NTM: variants seen among roughly 807,000 people sequenced by gnomAD.
The protein encoded by NTM is IgLON family member 2.
NTM carries 13 observed loss-of-function variants against 42.1 expected under a neutral mutation model. That is an observed-to-expected ratio of 0.31 (90% CI 0.20 to 0.49). NTM has a LOEUF of 0.49. Ranked by LOEUF, NTM falls within the 20% of genes least tolerant of loss-of-function variation. The pLI is 0.99. For synonymous variants in NTM, 187 were observed against 179.2 expected, an observed-to-expected ratio of 1.04 and a Z score of -0.35; for missense variants, 373 against 452.8, an observed-to-expected ratio of 0.82 and a Z score of 1.60.
chr11:132,315,152 C>G, intron 7 of NTM: 3 of 852,996 alleles, frequency 3.5e-6, no homozygotes, highest in Middle Eastern at 6.1e-4. Flanking sequence ...TAGTCAAGAA[C>G]TCAGAGGGGA....
At chr11:131,875,283 A>G (rs2048372724) in intron 1 of NTM, among the ~76,000 whole-genome samples, 1 of 152,234 alleles carries the variant, frequency 6.6e-6, no homozygotes, top group Non-Finnish European at 1.5e-5. Flanking sequence ...ACACTTTAAA[A>G]GAAAAAAAGA....
At chr11:132,076,369 A>G (rs1336059169) in intron 2 of NTM, among the ~76,000 whole-genome samples, 1 of 152,196 alleles carries the variant, frequency 6.6e-6, no homozygotes, top group Non-Finnish European at 1.5e-5. Context: ...CATGGGCTGC[A>G]TTAGCTGATC....
intron 1 of NTM, among the ~76,000 whole-genome samples, chr11:131,495,487 C>T (rs1955244163): frequency 6.6e-6 from 1 of 152,244 alleles, no homozygotes; most frequent in Non-Finnish European, 1.5e-5. Flanking sequence ...CCTCTCTGCC[C>T]CACTAACTTT....
chr11:131,559,715 C>T (rs1012936899), intron 1 of NTM, among the ~76,000 whole-genome samples: 1 of 152,180 alleles, frequency 6.6e-6, no homozygotes, highest in African/African-American at 2.4e-5. Flanking sequence ...AGTGGAGCAA[C>T]CTTGACAGCC....
At chr11:131,414,007 G>A (rs1946696796) in intron 1 of NTM, among the ~76,000 whole-genome samples, 1 of 152,172 alleles carries the variant, frequency 6.6e-6, no homozygotes, top group South Asian at 2.1e-4. Context: ...ACCCTAACTA[G>A]CTATGTAATT....
intron 1 of NTM, among the ~76,000 whole-genome samples, chr11:131,598,868 C>T (rs1395802989): frequency 3.0e-4 from 10 of 33,608 alleles, no homozygotes; most frequent in African/African-American, 6.7e-4. Context: ...TTCCTTCCTT[C>T]CTTCCTTCTT....
At chr11:131,917,197 T>C (rs796802200) in intron 2 of NTM, among the ~76,000 whole-genome samples, 21 of 152,362 alleles carry the variant, frequency 1.4e-4, no homozygotes, top group African/African-American at 3.8e-4. Flanking sequence ...ATAGAAGGTG[T>C]TCAATAAATT....
At chr11:132,065,249 T>A (rs1022492517) in intron 2 of NTM, among the ~76,000 whole-genome samples, 1 of 150,858 alleles carries the variant, frequency 6.6e-6, no homozygotes, top group African/African-American at 2.4e-5. Flanking sequence ...TTCTGGAACA[T>A]CCGTGCATAA....
chr11:132,247,512 C>T (rs763529319), intron 4 of NTM, among the ~76,000 whole-genome samples: 4 of 152,048 alleles, frequency 2.6e-5, no homozygotes, highest in Non-Finnish European at 5.9e-5. Context: ...CTCTTCTTTC[C>T]AATAAATGTT....
chr11:131,879,251 G>A (rs530043140), intron 1 of NTM, among the ~76,000 whole-genome samples: 1 of 152,192 alleles, frequency 6.6e-6, no homozygotes, highest in Admixed American at 6.5e-5. Context: ...GGGTGCATCT[G>A]GGTGGAAACA....
intron 3 of NTM, among the ~76,000 whole-genome samples, chr11:132,176,382 G>C (rs1186883666): frequency 2.0e-5 from 3 of 151,286 alleles, no homozygotes; most frequent in African/African-American, 7.3e-5. Flanking sequence ...AAAAAAACCT[G>C]TTTGAGAAAG....
At chr11:132,314,301 G>A (rs904311423) in intron 6 of NTM, among the ~76,000 whole-genome samples, 2 of 152,204 alleles carry the variant, frequency 1.3e-5, no homozygotes, top group Admixed American at 6.5e-5. Flanking sequence ...AAGCAAGGAT[G>A]AGAGGCTAGG....
chr11:131,485,214 C>T (rs1181647395), intron 1 of NTM, among the ~76,000 whole-genome samples: 1 of 152,226 alleles, frequency 6.6e-6, no homozygotes, highest in Non-Finnish European at 1.5e-5. Flanking sequence ...GAGGCACGTA[C>T]CTTCCCTAAG....
At position 132,182,244 on chromosome 11, in the gene NTM, C is replaced by A. The variant is rs193196608; in HGVS notation, c.401-29778C>A. On this transcript the variant is annotated intron_variant, in intron 3 of 8. Coordinates refer to ENST00000683400, the MANE Select transcript of NTM (RefSeq NM_001352005.2). ...TTACAATTCTATCTACCAAATATTC[C>A]TTTCCCTTGTTTTCTATTCTGCTCT... is the stretch of plus-strand genomic sequence containing the variant. Among the ~76,000 whole-genome samples, 338 of 152,064 alleles carry A rather than the reference C, an allele frequency of 2.2e-3. 1 individual carries two copies. In the Middle Eastern group the frequency reaches 0.034, roughly 15 times the overall value.
chr11:131,819,900 G>A (rs1234992155), intron 1 of NTM, among the ~76,000 whole-genome samples: 6 of 152,140 alleles, frequency 3.9e-5, no homozygotes, highest in African/African-American at 1.2e-4. Flanking sequence ...CGTGTGGGCC[G>A]CTACTCCGTC....
At chr11:131,930,273 C>T (rs1341781427) in intron 2 of NTM, among the ~76,000 whole-genome samples, 4 of 152,134 alleles carry the variant, frequency 2.6e-5, no homozygotes, top group Non-Finnish European at 5.9e-5. Flanking sequence ...GGACAGGTGG[C>T]CATATATGGT....
intron 1 of NTM, among the ~76,000 whole-genome samples, chr11:131,418,897 CAG>C (rs1268254843): frequency 1.3e-5 from 2 of 152,178 alleles, no homozygotes; most frequent in African/African-American, 4.8e-5. Context: ...GCATTAAAAT[CAG>C]GGTGGCGCCT....
intron 7 of NTM, 90 bp downstream of exon 7, chr11:132,314,793 A>C (rs2136163728): frequency 6.9e-7 from 1 of 1,453,552 alleles, no homozygotes; most frequent in East Asian, 2.4e-5. Flanking sequence ...CCAGGGTCAG[A>C]GGTTAGCAGG....
intron 1 of NTM, among the ~76,000 whole-genome samples, chr11:131,793,831 G>A (rs984509043): frequency 6.6e-6 from 1 of 152,146 alleles, no homozygotes; most frequent in Non-Finnish European, 1.5e-5. Context: ...ACGGGCTGAG[G>A]GCCAGCTCTA....
Sources: gnomAD v4.1 joint callset for allele counts (sites outside exome capture counted in the v4.1 genomes callset) on GRCh38, gnomAD v4.1.1 for gene constraint, MANE v1.5 for transcripts, NCBI Gene and HGNC (gene_info 2026-07-23, HGNC 2026-07-21) for gene names.